UGT1A9: variants seen among roughly 807,000 people sequenced by gnomAD.
UGT1A9 encodes UDP-glucuronosyltransferase 1A9.
UGT1A9 carries 35 observed loss-of-function variants against 45.0 expected under a neutral mutation model. That is an observed-to-expected ratio of 0.78 (90% CI 0.59 to 1.03). UGT1A9 has a LOEUF of 1.03. Among genes scored for constraint, UGT1A9 ranks in the 50% least tolerant of loss-of-function variants. UGT1A9 has a pLI of 0.00. For synonymous variants in UGT1A9, 278 were observed against 250.6 expected, an observed-to-expected ratio of 1.11 and a Z score of -1.03; for missense variants, 687 against 666.6, an observed-to-expected ratio of 1.03 and a Z score of -0.34.
At chr2:233,713,240 A>G (rs1016025091) in intron 1 of UGT1A9, 10 of 1,614,146 alleles carry the variant, frequency 6.2e-6, no homozygotes, top group African/African-American at 2.7e-5. Context: ...ATGCCATTTC[A>G]TGGACCCAGG....
chr2:233,687,252 A>T (rs2074829150), intron 1 of UGT1A9, among the ~76,000 whole-genome samples: 1 of 152,196 alleles, frequency 6.6e-6, no homozygotes, highest in African/African-American at 2.4e-5. Flanking sequence ...AAGATTAATG[A>T]TCTTAACCAT....
intron 1 of UGT1A9, among the ~76,000 whole-genome samples, chr2:233,695,609 A>G (rs1437584077): frequency 6.6e-6 from 1 of 151,892 alleles, no homozygotes; most frequent in Admixed American, 6.6e-5. Flanking sequence ...GTAATTACCA[A>G]TGAACTCTCT....
At chr2:233,728,329 C>A (rs541948735) in intron 1 of UGT1A9, among the ~76,000 whole-genome samples, 12 of 152,272 alleles carry the variant, frequency 7.9e-5, no homozygotes, top group African/African-American at 2.6e-4. Context: ...GGCTCCAGCT[C>A]CCCCAGTCCC....
intron 1 of UGT1A9, among the ~76,000 whole-genome samples, chr2:233,757,540 A>ATATACATATACT (rs1559403688): frequency 8.6e-6 from 1 of 116,538 alleles, no homozygotes; most frequent in Admixed American, 8.4e-5. Flanking sequence ...TAAGGAATAT[A>ATATACATATACT]TATATATATA....
At chr2:233,716,222 T>A (rs1452528556) in intron 1 of UGT1A9, among the ~76,000 whole-genome samples, 4 of 152,232 alleles carry the variant, frequency 2.6e-5, no homozygotes, top group African/African-American at 7.2e-5. Context: ...CAAGAGCCCT[T>A]GTGATTACAT....
rs773627969 is a variant in UGT1A9 at position 233,672,291 on chromosome 2, A to AT, written c.364dup (p.Ser122PhefsTer8). 5.2e-5 allele frequency: 84 copies of AT among 1,613,624 alleles called. 1 individual carries two copies. The highest frequency in any genetic ancestry group is 1.6e-4 in the African/African-American group (12 of 74,856). ...GTTCATACAATGACATTTTTGACTT[A>AT]TTTTTTTCAAATTGCAGGAGTTTGT... On this transcript the variant is annotated frameshift_variant, in exon 1 of 5. Coordinates refer to ENST00000354728, the MANE Select transcript of UGT1A9 (RefSeq NM_021027.3). LOFTEE classifies it high-confidence loss of function.
Position 233,772,728 on chromosome 2 carries a change from C to T in UGT1A9, c.*169C>T, listed in dbSNP as rs1029569602. 2.4e-5 allele frequency: 35 copies of T among 1,446,106 alleles called. No homozygotes were observed. The highest frequency in any genetic ancestry group is 8.7e-5 in the South Asian group (6 of 68,994). The allele number at this position is 1,446,106 out of a possible 1,614,324, so 89.6% of individuals were successfully genotyped here. A position where few individuals can be genotyped will look rare whatever the true frequency, so the allele number is the denominator to read the frequency against. ...TTCTCTTAAATAAAAATAATAGACT[C>T]GCTAGTCAGTAAAGATATTTGAATA... On this transcript the variant is annotated 3_prime_UTR_variant, in exon 5 of 5. Coordinates refer to ENST00000354728, the MANE Select transcript of UGT1A9 (RefSeq NM_021027.3).
At chr2:233,764,520 A>G (rs935086504) in intron 1 of UGT1A9, among the ~76,000 whole-genome samples, 4 of 152,220 alleles carry the variant, frequency 2.6e-5, no homozygotes, top group African/African-American at 4.8e-5. Context: ...TGTGAATCAC[A>G]TCCTGCTGAT....
chr2:233,743,692 G>C, intron 1 of UGT1A9: 2 of 1,367,218 alleles, frequency 1.5e-6, no homozygotes, highest in Non-Finnish European at 2.0e-6. Context: ...CTGTGCAGCC[G>C]CCCTCCGCCC....
intron 1 of UGT1A9, among the ~76,000 whole-genome samples, chr2:233,701,132 A>C (rs1303969880): frequency 1.3e-5 from 2 of 152,144 alleles, no homozygotes; most frequent in African/African-American, 4.8e-5. Context: ...AGGGACATTT[A>C]GGTTGGTTCC....
intron 1 of UGT1A9, chr2:233,747,720 G>C: frequency 6.2e-7 from 1 of 1,613,342 alleles, no homozygotes; most frequent in African/African-American, 1.3e-5. Flanking sequence ...AATTCCTGCT[G>C]TGTTTTTTTT....
At chr2:233,735,575 C>T (rs1354708625) in intron 1 of UGT1A9, among the ~76,000 whole-genome samples, 1 of 152,032 alleles carries the variant, frequency 6.6e-6, no homozygotes, top group Non-Finnish European at 1.5e-5. Flanking sequence ...GGTTATTTTG[C>T]CCGTTAATTG....
chr2:233,765,829 A>G (rs1183192876), intron 1 of UGT1A9, among the ~76,000 whole-genome samples: 1 of 152,104 alleles, frequency 6.6e-6, no homozygotes, highest in East Asian at 1.9e-4. Flanking sequence ...TGAAACAGGA[A>G]AACTTTCCTT....
intron 1 of UGT1A9, among the ~76,000 whole-genome samples, chr2:233,680,966 G>T (rs1048785834): frequency 9.2e-5 from 14 of 151,944 alleles, no homozygotes; most frequent in Admixed American, 1.3e-4. Context: ...TTTCTGGAAG[G>T]GTCCATGGAG....
At chr2:233,725,024 G>C (rs1241696904) in intron 1 of UGT1A9, among the ~76,000 whole-genome samples, 1 of 148,280 alleles carries the variant, frequency 6.7e-6, no homozygotes, top group Non-Finnish European at 1.5e-5. Flanking sequence ...AGCAAAACCC[G>C]GTCTCCACCA....
intron 1 of UGT1A9, among the ~76,000 whole-genome samples, chr2:233,715,749 G>C (rs1295869903): frequency 1.3e-5 from 2 of 152,196 alleles, no homozygotes; most frequent in African/African-American, 2.4e-5. Flanking sequence ...TCCAGCCTGA[G>C]TGACAGAGCG....
In UGT1A9 at chr2:233,725,264, G is replaced by GGCAGAGGCAGAGGCAGAGGCA. The variant is rs1216362118; in HGVS notation, c.856-41769_856-41768insCAGAGGCAGAGGCAGAGGCAG. On this transcript the variant is annotated intron_variant, in intron 1 of 4. Coordinates refer to ENST00000354728, the MANE Select transcript of UGT1A9 (RefSeq NM_021027.3). Reference sequence around the variant, plus strand: ...CAGAGGCAGAGGAGGCAGAGGCAGAGGAGGCAGAGGCAGAGGCAGAGGCAG... The same window carrying GGCAGAGGCAGAGGCAGAGGCA: ...CAGAGGCAGAGGAGGCAGAGGCAGAGGCAGAGGCAGAGGCAGAGGCAGAGGCAGAGGCAGAGGCAGAGGCAG... Among the ~76,000 whole-genome samples, 2 of 58,548 alleles carry GGCAGAGGCAGAGGCAGAGGCA rather than the reference G, an allele frequency of 3.4e-5. 1 individual carries two copies. Among genetic ancestry groups the GGCAGAGGCAGAGGCAGAGGCA allele is most frequent in the African/African-American group, 2.6e-4 (2 of 7,634 alleles). 38.4% of individuals were successfully genotyped at this position (58,548 alleles called of 152,430 possible). A position where few individuals can be genotyped will look rare whatever the true frequency, so the allele number is the denominator to read the frequency against.
At position 233,672,758 on chromosome 2, in the gene UGT1A9, T is replaced by A. The variant is rs375063799; in HGVS notation, c.824T>A (p.Ile275Asn). ...VMPNMIFIGG[I>N]NCHQGKPLPM... Reference sequence around the variant, plus strand: ...CCCAACATGATCTTCATTGGTGGTATCAACTGCCATCAGGGAAAGCCGTTG... The same window carrying A: ...CCCAACATGATCTTCATTGGTGGTAACAACTGCCATCAGGGAAAGCCGTTG... The change falls in exon 1 of 5, where the codon ATC becomes AAC. Residue 275 changes from isoleucine (I) to asparagine (N), a missense_variant. By Grantham distance (149) the Ile-to-Asn change is moderately radical. Coordinates refer to ENST00000354728, the MANE Select transcript of UGT1A9 (RefSeq NM_021027.3). 6 of 1,613,764 alleles carry A rather than the reference T, an allele frequency of 3.7e-6. No individual in the cohort carries two copies. The highest frequency in any genetic ancestry group is 5.1e-6 in the Non-Finnish European group (6 of 1,179,794).
At chr2:233,761,154 G>A (rs1374366123) in intron 1 of UGT1A9, 1 of 1,614,240 alleles carries the variant, frequency 6.2e-7, no homozygotes, top group East Asian at 2.2e-5. Flanking sequence ...TATCCCAGGT[G>A]TGTATTGGAG....
Sources: allele counts gnomAD v4.1 joint callset (sites outside exome capture counted in the v4.1 genomes callset), GRCh38; gene constraint gnomAD v4.1.1; transcripts MANE v1.5; gene names NCBI Gene and HGNC (gene_info 2026-07-23, HGNC 2026-07-21).